ANKRD62: variants seen among roughly 807,000 people sequenced by gnomAD.
ANKRD62 encodes ankyrin repeat domain-containing protein 62.
In ANKRD62, 61 loss-of-function variants were observed where a neutral mutation model predicts 98.8. That is an observed-to-expected ratio of 0.62 (90% CI 0.50 to 0.76). The LOEUF (loss-of-function observed/expected upper bound fraction) is 0.76. ANKRD62 is among the 30% of genes least tolerant of loss of function. ANKRD62 has a pLI of 0.00. For synonymous variants in ANKRD62, 341 were observed against 367.9 expected (o/e 0.93, Z 0.84); for missense variants, 933 against 1,082.9 (o/e 0.86, Z 1.94).
rs1048611767 is a variant in ANKRD62 at position 12,122,383 on chromosome 18, C to T, written c.1321C>T (p.Arg441Ter). ...SIEDQKCYCERLKVKFQKMKN... is the reference protein window; with the variant it reads ...SIEDQKCYCE The stretch of plus-strand genomic sequence containing the variant: ...AGAGGATCAAAAATGTTACTGTGAA[C>T]GACTTAAAGTAAAATTTCAAAAAAT... The change falls in exon 11 of 14, where the codon CGA becomes TGA. Residue 441 changes from arginine to a stop codon, truncating the protein, a stop_gained. Coordinates refer to ENST00000587848, the MANE Select transcript of ANKRD62 (RefSeq NM_001277333.2). LOFTEE classifies it high-confidence loss of function. 19 of 1,535,224 alleles carry T rather than the reference C, an allele frequency of 1.2e-5. No homozygotes were observed. Among genetic ancestry groups the T allele is most frequent in the Middle Eastern group, 1.7e-4 (1 of 6,004 alleles).
At chr18:12,122,028 G>A (rs578139982) in intron 10 of ANKRD62, among the ~76,000 whole-genome samples, 10 of 152,172 alleles carry the variant, frequency 6.6e-5, no homozygotes, top group South Asian at 2.1e-4. Flanking sequence ...ATCCTCTTAC[G>A]TGACTAAAAC....
At chr18:12,141,645 A>G in the ANKRD62 span, among the ~76,000 whole-genome samples, 1 of 117,462 alleles carries the variant, frequency 8.5e-6, no homozygotes, top group Non-Finnish European at 1.8e-5. Flanking sequence ...TCTGAATTCT[A>G]TTTCTATCAT....
intron 5 of ANKRD62, among the ~76,000 whole-genome samples, 175 bp downstream of exon 5, chr18:12,097,952 G>T (rs989760784): frequency 6.6e-6 from 1 of 152,170 alleles, no homozygotes; most frequent in South Asian, 2.1e-4. Flanking sequence ...GTTAGAAGTA[G>T]CAATGAGTGT....
chr18:12,139,488 C>G, the ANKRD62 span, among the ~76,000 whole-genome samples: 4 of 151,870 alleles, frequency 2.6e-5, no homozygotes, highest in East Asian at 1.9e-4. Flanking sequence ...ACTAAAAATA[C>G]TGAAAAAATG....
chr18:12,138,963 A>G, the ANKRD62 span, among the ~76,000 whole-genome samples: 1 of 152,092 alleles, frequency 6.6e-6, no homozygotes, highest in Non-Finnish European at 1.5e-5. Context: ...GGTTTCCTGA[A>G]TACAGCACAC....
Position 12,122,437 on chromosome 18 carries a change from G to C in ANKRD62, c.1375G>C (p.Val459Leu), listed in dbSNP as rs554819849. Reference sequence around the variant, plus strand: ...AAATAATATTAGCGTACTACAAAAGGTACTATCTGAAACAGACAAAACCAA... The same window carrying C: ...AAATAATATTAGCGTACTACAAAAGCTACTATCTGAAACAGACAAAACCAA... ...MKNNISVLQK[V>L]LSETDKTKSQ... is the part of the protein sequence containing the mutation. Residue 459 changes from valine (V) to leucine (L), a missense_variant, in exon 11 of 14, where the codon GTA (valine) becomes CTA (leucine). Val to Leu is a conservative substitution (Grantham distance 32). Around this residue, in one of 3 missense-constraint regions of ANKRD62, gnomAD observed 549 missense variants for 587.9 expected, o/e 0.93. Coordinates refer to ENST00000587848, the MANE Select transcript of ANKRD62 (RefSeq NM_001277333.2). 1.3e-6 allele frequency: 2 copies of C among 1,535,452 alleles called. No individual in the cohort carries two copies. The highest frequency in any genetic ancestry group is 2.7e-5 in the African/African-American group (2 of 73,092).
chr18:12,107,618 G>A (rs1179542610), intron 8 of ANKRD62, 151 bp downstream of exon 8: 3 of 546,752 alleles, frequency 5.5e-6, no homozygotes, highest in Non-Finnish European at 5.7e-6. Flanking sequence ...AAATTAACAA[G>A]CAATGAGATA....
At chr18:12,171,533 G>C in the ANKRD62 span, among the ~76,000 whole-genome samples, 4 of 152,226 alleles carry the variant, frequency 2.6e-5, no homozygotes, top group Non-Finnish European at 5.9e-5. Flanking sequence ...GCTTCCCTTT[G>C]TGGGTCAACC....
the ANKRD62 span, among the ~76,000 whole-genome samples, chr18:12,137,257 A>T: frequency 3.2e-3 from 481 of 152,288 alleles, no homozygotes; most frequent in Non-Finnish European, 5.2e-3. Context: ...TTTAGCATGA[A>T]GGGTTGTTGA....
At chr18:12,160,080 A>G in the ANKRD62 span, among the ~76,000 whole-genome samples, 1 of 152,196 alleles carries the variant, frequency 6.6e-6, no homozygotes, top group Non-Finnish European at 1.5e-5. Flanking sequence ...TTTTCAGGCT[A>G]TAATCATGTC....
downstream of ANKRD62, among the ~76,000 whole-genome samples, chr18:12,132,426 C>T (rs1364413487): frequency 6.6e-6 from 1 of 151,946 alleles, no homozygotes; most frequent in Admixed American, 6.6e-5. Flanking sequence ...TTCTTCCTTC[C>T]TCCCTTCTTT....
intron 8 of ANKRD62, among the ~76,000 whole-genome samples, chr18:12,108,604 C>G (rs778963710): frequency 5.3e-5 from 8 of 152,168 alleles, no homozygotes; most frequent in Non-Finnish European, 1.2e-4. Context: ...TTTCACATTT[C>G]AAAACCAATA....
the ANKRD62 span, among the ~76,000 whole-genome samples, chr18:12,167,616 A>C: frequency 6.6e-6 from 1 of 152,224 alleles, no homozygotes; most frequent in Non-Finnish European, 1.5e-5. Context: ...GTGTCTTTAT[A>C]GGAACATGAT....
Position 12,115,086 on chromosome 18 carries a change from A to G in ANKRD62, c.1065-2A>G. On this transcript the variant is annotated splice_acceptor_variant, in intron 8 of 13. Transcript: ENST00000587848. LOFTEE classifies it high-confidence loss of function. ...ATTGGAATTTTTTGGTTTTTTTTTT[A>G]GGCTTGCAAGGAAAACCTCTAATGA... 1 of 1,383,596 alleles carries G rather than the reference A, an allele frequency of 7.2e-7. No homozygotes were observed. The allele number at this position is 1,383,596 out of a possible 1,614,324, so 85.7% of individuals were successfully genotyped here. A position where few individuals can be genotyped will look rare whatever the true frequency, so the allele number is the denominator to read the frequency against.
chr18:12,102,066 G>A lies in ANKRD62; in HGVS notation c.821-1092G>A, dbSNP rs1055129943. Reference sequence around the variant, plus strand: ...AGTTGAAATAGCAAAGCCCAGCAAAGGTTAAAGCTGAAAGTGCCAGAAGCT... The same window carrying A: ...AGTTGAAATAGCAAAGCCCAGCAAAAGTTAAAGCTGAAAGTGCCAGAAGCT... On this transcript the variant is annotated intron_variant, in intron 6 of 13. Transcript: ENST00000587848. 2.2e-5 allele frequency: 31 copies of A among 1,388,814 alleles called. No individual in the cohort carries two copies. In the African/African-American group the frequency reaches 4.0e-4, roughly 18 times the overall value. 86.0% of individuals were successfully genotyped at this position (1,388,814 alleles called of 1,614,324 possible).
chr18:12,165,703 A>G, the ANKRD62 span, among the ~76,000 whole-genome samples: 1 of 152,052 alleles, frequency 6.6e-6, no homozygotes, highest in African/African-American at 2.4e-5. Context: ...ACAGTGTTAC[A>G]CTATTCTGGG....
chr18:12,122,740 G>A (rs1361298944), intron 11 of ANKRD62, among the ~76,000 whole-genome samples: 1 of 151,952 alleles, frequency 6.6e-6, no homozygotes, highest in Non-Finnish European at 1.5e-5. Flanking sequence ...TGGCTATATA[G>A]AATTCCACCC....
At chr18:12,154,810 C>A in the ANKRD62 span, among the ~76,000 whole-genome samples, 2 of 152,220 alleles carry the variant, frequency 1.3e-5, no homozygotes, top group Non-Finnish European at 2.9e-5. Flanking sequence ...AAGGTCATGT[C>A]TTTTGTGGGA....
chr18:12,155,151 G>C, the ANKRD62 span, among the ~76,000 whole-genome samples: 1 of 152,164 alleles, frequency 6.6e-6, no homozygotes, highest in Non-Finnish European at 1.5e-5. Context: ...AAATGTAACT[G>C]TCTGAAGTGT....
Sources: allele counts gnomAD v4.1 joint callset (sites outside exome capture counted in the v4.1 genomes callset), GRCh38; gene constraint gnomAD v4.1.1; regional missense constraint gnomAD v4.1.1; transcripts MANE v1.5; gene names NCBI Gene and HGNC (gene_info 2026-07-23, HGNC 2026-07-21).